IGF2BP2: variants seen among roughly 807,000 people sequenced by gnomAD.
IGF2BP2 encodes insulin like growth factor 2 mRNA binding protein 2, also known as insulin-like growth factor 2 mRNA-binding protein 2.
In IGF2BP2, 17 loss-of-function variants were observed where a neutral mutation model predicts 75.8. The ratio of observed to expected loss-of-function variants is 0.22; its 90% CI spans 0.15 to 0.34. IGF2BP2 has a LOEUF of 0.34. Among genes scored for constraint, IGF2BP2 ranks in the 10% least tolerant of loss-of-function variants. The probability of loss-of-function intolerance (pLI) is 1.00; values close to 1 mark genes in which losing one functional copy is unlikely to be tolerated. For synonymous variants in IGF2BP2, 288 were observed against 295.6 expected (o/e 0.97, Z 0.26); for missense variants, 516 against 772.4 (o/e 0.67, Z 3.93).
At chr3:185,652,252 CCAG>C in intron 12 of IGF2BP2, 84 bp from the exon 13 acceptor site, 1 of 1,167,378 alleles carries the variant, frequency 8.6e-7, no homozygotes. Flanking sequence ...GGCAAGCATA[CCAG>C]CAGGAGGTTC....
chr3:185,698,331 T>C lies in IGF2BP2; in HGVS notation c.256A>G (p.Ile86Val), dbSNP rs775862420. 4 of 1,613,978 alleles carry C rather than the reference T, an allele frequency of 2.5e-6. No individual in the cohort carries two copies. In the African/African-American group the frequency reaches 4.0e-5, roughly 16 times the overall value. Residue 86 changes from isoleucine to valine, a missense_variant, in exon 3 of 16, where the codon ATT (isoleucine) becomes GTT (valine). Transcript: ENST00000382199. ...SKKLRSRKIQ[I>V]RNIPPHLQWE... ...TGCAGGTGAGGAGGGATGTTTCGAATCTGAATTTTCCTGCTCCTGTAAAGA... is the reference window on the plus strand; with the variant it reads ...TGCAGGTGAGGAGGGATGTTTCGAACCTGAATTTTCCTGCTCCTGTAAAGA...
chr3:185,688,104 T>C (rs1297807878), intron 6 of IGF2BP2, among the ~76,000 whole-genome samples: 1 of 152,226 alleles, frequency 6.6e-6, no homozygotes, highest in Non-Finnish European at 1.5e-5. Flanking sequence ...GACTCATCCA[T>C]ATCAGTGTCT....
chr3:185,755,411 G>T (rs1029698796), intron 2 of IGF2BP2, among the ~76,000 whole-genome samples: 1 of 152,240 alleles, frequency 6.6e-6, no homozygotes, highest in African/African-American at 2.4e-5. Flanking sequence ...GTACAGGAAA[G>T]CTTGTATAGG....
chr3:185,810,212 A>G (rs2150004497), intron 2 of IGF2BP2, among the ~76,000 whole-genome samples: 1 of 152,172 alleles, frequency 6.6e-6, no homozygotes, highest in East Asian at 1.9e-4. Context: ...GAGTAGTCTG[A>G]GGCTTTTTGT....
At chr3:185,814,087 CT>C (rs1370608714) in intron 2 of IGF2BP2, 1 of 152,272 alleles carries the variant, frequency 6.6e-6, no homozygotes, top group Non-Finnish European at 1.5e-5. Flanking sequence ...GAGGACCAGT[CT>C]TTGCCACGTG....
At chr3:185,692,462 G>A (rs919301132) in intron 5 of IGF2BP2, among the ~76,000 whole-genome samples, 6 of 152,084 alleles carry the variant, frequency 3.9e-5, no homozygotes, top group South Asian at 2.1e-4. Context: ...CAAATATCCC[G>A]GTGTGAATGT....
intron 2 of IGF2BP2, among the ~76,000 whole-genome samples, chr3:185,768,410 A>T (rs1733389165): frequency 6.6e-6 from 1 of 152,102 alleles, no homozygotes; most frequent in African/African-American, 2.4e-5. Flanking sequence ...TTCAGGATAG[A>T]TTTTTTTCTG....
intron 2 of IGF2BP2, among the ~76,000 whole-genome samples, chr3:185,704,693 G>A (rs1723768306): frequency 6.6e-6 from 1 of 152,064 alleles, no homozygotes; most frequent in Non-Finnish European, 1.5e-5. Context: ...CAAGCAATCA[G>A]CCCACCTTGT....
chr3:185,764,885 C>T lies in IGF2BP2; in HGVS notation c.239+58268G>A, dbSNP rs555736090. Among the ~76,000 whole-genome samples, 13 of 152,238 alleles carry T rather than the reference C, an allele frequency of 8.5e-5. No individual in the cohort carries two copies. The South Asian group carries it at 1.7e-3, about 19-fold the overall frequency. ...TGCCCCCAGCTCTGAGACAATGGGG[C>T]TCTGTGTAGGAGCAGAGGCCAAAAT... On this transcript the variant is annotated intron_variant, in intron 2 of 15. Coordinates refer to ENST00000382199, the MANE Select transcript of IGF2BP2 (RefSeq NM_006548.6).
At chr3:185,787,716 G>C (rs762052055) in intron 2 of IGF2BP2, among the ~76,000 whole-genome samples, 6 of 147,784 alleles carry the variant, frequency 4.1e-5, no homozygotes, top group Non-Finnish European at 8.9e-5. Flanking sequence ...CTGGGCAACA[G>C]AGTGAGACTC....
chr3:185,706,695 G>A lies in IGF2BP2; in HGVS notation c.240-8348C>T, dbSNP rs538468289. ...CTTGTTTACAGATTGAAACCATCAC[G>A]CACTGTTCTAGTGAAATAGATTATC... On this transcript the variant is annotated intron_variant, in intron 2 of 15. Coordinates refer to ENST00000382199, the MANE Select transcript of IGF2BP2 (RefSeq NM_006548.6). Among the ~76,000 whole-genome samples the A allele has an allele frequency of 4.6e-5, 7 of 151,474 alleles. No homozygotes were observed. The East Asian group carries it at 9.7e-4, about 21-fold the overall frequency.
At chr3:185,693,029 G>A (rs549927760) in intron 4 of IGF2BP2, 109 of 305,738 alleles carry the variant, frequency 3.6e-4, no homozygotes, top group African/African-American at 2.3e-3. Context: ...TTTTGTATCA[G>A]TACATTTTCT....
intron 2 of IGF2BP2, among the ~76,000 whole-genome samples, chr3:185,726,875 G>A (rs1442992919): frequency 2.0e-5 from 3 of 152,130 alleles, no homozygotes; most frequent in African/African-American, 4.8e-5. Context: ...CTTACCAAGG[G>A]GGTTGTGGGA....
At chr3:185,766,225 T>G (rs897512379) in intron 2 of IGF2BP2, among the ~76,000 whole-genome samples, 1 of 152,186 alleles carries the variant, frequency 6.6e-6, no homozygotes, top group Non-Finnish European at 1.5e-5. Context: ...TAAAACTATT[T>G]AGACAATATC....
At chr3:185,710,567 T>C (rs1724661609) in intron 2 of IGF2BP2, among the ~76,000 whole-genome samples, 1 of 152,048 alleles carries the variant, frequency 6.6e-6, no homozygotes, top group South Asian at 2.1e-4. Context: ...ACCCCGTCTC[T>C]ACTAAAAATA....
At chr3:185,650,601 C>T (rs562144067) in intron 13 of IGF2BP2, among the ~76,000 whole-genome samples, 58 of 151,778 alleles carry the variant, frequency 3.8e-4, no homozygotes, top group African/African-American at 1.4e-3. Context: ...CACTTGAACC[C>T]GAGAGATGGA....
At chr3:185,696,893 A>G (rs1722652822) in intron 3 of IGF2BP2, among the ~76,000 whole-genome samples, 1 of 152,250 alleles carries the variant, frequency 6.6e-6, no homozygotes, top group Non-Finnish European at 1.5e-5. Flanking sequence ...AAGGTTACAC[A>G]GCAGAATTTC....
At chr3:185,730,460 G>A (rs1248054537) in intron 2 of IGF2BP2, among the ~76,000 whole-genome samples, 1 of 135,394 alleles carries the variant, frequency 7.4e-6, no homozygotes, top group Non-Finnish European at 1.6e-5. Flanking sequence ...TTGAGACGGA[G>A]TTTGACTCTT....
Position 185,754,954 on chromosome 3 carries a change from A to C in IGF2BP2, c.240-56607T>G, listed in dbSNP as rs57981967. Among the ~76,000 whole-genome samples, 829 of 152,334 alleles carry C rather than the reference A, an allele frequency of 5.4e-3. 7 individuals are homozygous for C. The highest frequency in any genetic ancestry group is 0.019 in the African/African-American group (782 of 41,574). On this transcript the variant is annotated intron_variant, in intron 2 of 15. Transcript: ENST00000382199. ...TATTTAAAAGGGAAGCACAGTATAA[A>C]AGTTTGGAAAATTTGCAGCCAGGCC...
Sources: gnomAD v4.1 joint callset for allele counts (sites outside exome capture counted in the v4.1 genomes callset) on GRCh38, gnomAD v4.1.1 for gene constraint, MANE v1.5 for transcripts, NCBI Gene and HGNC (gene_info 2026-07-23, HGNC 2026-07-21) for gene names.